FGF13: variants seen among roughly 807,000 people sequenced by gnomAD.
FGF13 encodes fibroblast growth factor 13.
In FGF13, 2 loss-of-function variants were observed where a neutral mutation model predicts 19.5. The ratio of observed to expected loss-of-function variants is 0.10; its 90% confidence interval spans 0.04 to 0.32. The LOEUF is 0.32. FGF13 is among the 10% of genes least tolerant of loss of function. FGF13 has a pLI of 1.00. For missense variants in FGF13, 113 were observed against 192.7 expected, an observed-to-expected ratio of 0.59 and a Z score of 2.45; for synonymous variants, 72 against 76.9, an observed-to-expected ratio of 0.94 and a Z score of 0.33.
intron 3 of FGF13, among the ~76,000 whole-genome samples, chrX:138,790,771 T>C (rs1008383009): frequency 2.7e-5 from 3 of 112,426 alleles, no homozygotes; most frequent in Non-Finnish European, 3.7e-5. Flanking sequence ...CATGCTTTAC[T>C]TCCTCTGTAC....
At chrX:138,676,539 C>T (rs745513151) in intron 3 of FGF13, among the ~76,000 whole-genome samples, 1 of 111,346 alleles carries the variant, frequency 9.0e-6, no homozygotes, top group African/African-American at 3.3e-5. Context: ...AAATACGGAC[C>T]CTATAAAACA....
chrX:138,828,524 C>G (rs1317642833), intron 3 of FGF13, among the ~76,000 whole-genome samples: 1 of 101,221 alleles, frequency 9.9e-6, no homozygotes, highest in Admixed American at 1.0e-4. Context: ...GAGCCGAGAT[C>G]GCGCCACTGC....
At chrX:138,978,819 A>G (rs2091951697) in intron 1 of FGF13, among the ~76,000 whole-genome samples, 1 of 112,005 alleles carries the variant, frequency 8.9e-6, no homozygotes. Flanking sequence ...AAATTACTGA[A>G]TGTTTTACAG....
chrX:139,203,252 C>T (rs1389023615), intron 1 of FGF13, among the ~76,000 whole-genome samples: 1 of 111,196 alleles, frequency 9.0e-6, no homozygotes, highest in African/African-American at 3.3e-5. Context: ...GGCGCGGTGG[C>T]TGAACCCCAG....
chrX:138,954,095 C>CGAGAAAGA (rs1556309326), intron 1 of FGF13, among the ~76,000 whole-genome samples: 2 of 94,170 alleles, frequency 2.1e-5, no homozygotes, highest in African/African-American at 3.9e-5. Context: ...GTAAATTTAA[C>CGAGAAAGA]GAGAGAGAGA....
intron 3 of FGF13, among the ~76,000 whole-genome samples, chrX:138,851,672 G>A (rs138195761): frequency 1.8e-3 from 201 of 111,864 alleles, no homozygotes; most frequent in African/African-American, 6.4e-3. Context: ...CAAGGATGCC[G>A]TCTCTCACCA....
At position 139,142,496 on chromosome X, in the gene FGF13, G is replaced by C. The variant is rs990546345; in HGVS notation, c.-113+60920C>G. On this transcript the variant is annotated intron_variant, in intron 1 of 2. Transcript: ENST00000421460. ...TCTGCCAGTAAGTAGTACTGGCAGA[G>C]TACCAAATCTCTCTAATTCTTAACA... Among the ~76,000 whole-genome samples, 3 of 111,634 alleles carry C rather than the reference G, an allele frequency of 2.7e-5. No homozygotes were observed. In the Admixed American group the frequency reaches 2.9e-4, roughly 11 times the overall value.
intron 1 of FGF13, among the ~76,000 whole-genome samples, chrX:138,932,131 G>T (rs2091704436): frequency 9.0e-6 from 1 of 111,590 alleles, no homozygotes; most frequent in Non-Finnish European, 1.9e-5. Flanking sequence ...TGGATCCAAT[G>T]GAGTCGTCAC....
rs1569347644 is a variant in FGF13, at chrX:138,625,500, T to TATATATATATAATATATATATATATAC, written c.*7349_*7350insGTATATATATATATATTATATATATAT. On this transcript the variant is annotated 3_prime_UTR_variant, in exon 5 of 5. Coordinates refer to ENST00000315930, the MANE Select transcript of FGF13 (RefSeq NM_004114.5). ...TATATATATAATATATATATATACA[T>TATATATATATAATATATATATATATAC]ATATATATATAATATAATATATATA... The TATATATATATAATATATATATATATAC allele has an allele frequency of 1.2e-4, 11 of 89,800 alleles. No homozygotes were observed. Among genetic ancestry groups the TATATATATATAATATATATATATATAC allele is most frequent in the African/African-American group, 4.7e-4 (9 of 19,290 alleles). 7.4% of individuals were successfully genotyped at this position (89,800 alleles called of 1,213,427 possible).
At chrX:139,124,513 C>T (rs898887535) in intron 1 of FGF13, among the ~76,000 whole-genome samples, 1 of 111,565 alleles carries the variant, frequency 9.0e-6, no homozygotes, top group African/African-American at 3.3e-5. Flanking sequence ...ACCCGCCTTG[C>T]AACACAGGGC....
intron 3 of FGF13, among the ~76,000 whole-genome samples, chrX:138,652,531 TG>T (rs1333389128): frequency 8.9e-6 from 1 of 111,793 alleles, no homozygotes; most frequent in Non-Finnish European, 1.9e-5. Context: ...CCTGGTAGCC[TG>T]GTACAGTGAA....
chrX:138,814,027 C>T (rs1014076227), intron 3 of FGF13, among the ~76,000 whole-genome samples: 1 of 109,575 alleles, frequency 9.1e-6, no homozygotes, highest in African/African-American at 3.3e-5. Flanking sequence ...TGTATAAATT[C>T]AAAATCCCAA....
intron 1 of FGF13, among the ~76,000 whole-genome samples, chrX:138,898,488 A>G (rs902976144): frequency 1.2e-4 from 13 of 112,216 alleles, no homozygotes; most frequent in African/African-American, 4.2e-4. Context: ...TGCAAGGACC[A>G]TGAAAGGCCC....
chrX:138,636,232 A>C (rs2089182849), intron 3 of FGF13, among the ~76,000 whole-genome samples: 1 of 111,960 alleles, frequency 8.9e-6, no homozygotes, highest in East Asian at 2.8e-4. Context: ...GACTTGAGAC[A>C]GAAAGAAAAA....
intron 3 of FGF13, among the ~76,000 whole-genome samples, chrX:138,690,510 A>G (rs1439117835): frequency 9.0e-6 from 1 of 110,580 alleles, no homozygotes; most frequent in Non-Finnish European, 1.9e-5. Flanking sequence ...TGTGCTGGGC[A>G]AGTGGGAGCC....
chrX:138,985,084 T>C, intron 1 of FGF13: 1 of 369,240 alleles, frequency 2.7e-6, no homozygotes, highest in Non-Finnish European at 5.5e-6. Context: ...CTTGTCCTCA[T>C]GACACCTCTG....
intron 1 of FGF13, among the ~76,000 whole-genome samples, chrX:139,026,238 AT>A (rs979697507): frequency 4.5e-5 from 5 of 110,777 alleles, no homozygotes; most frequent in Non-Finnish European, 9.5e-5. Flanking sequence ...ATACAATTTT[AT>A]TTTTTTTAAC....
intron 1 of FGF13, among the ~76,000 whole-genome samples, chrX:139,050,441 T>G (rs2092300447): frequency 8.9e-6 from 1 of 111,937 alleles, no homozygotes; most frequent in Non-Finnish European, 1.9e-5. Flanking sequence ...TTGGATTGCA[T>G]GAACACATAA....
At chrX:138,855,932 G>T (rs1569412134), downstream of FGF13, among the ~76,000 whole-genome samples, 1 of 108,401 alleles carries the variant, frequency 9.2e-6, no homozygotes, top group Admixed American at 1.0e-4. Flanking sequence ...ACCAAATTTT[G>T]ATTTTTAGGC....
Sources: gnomAD v4.1 joint callset for allele counts (sites outside exome capture counted in the v4.1 genomes callset) on GRCh38, gnomAD v4.1.1 for gene constraint, MANE v1.5 for transcripts, NCBI Gene and HGNC (gene_info 2026-07-23, HGNC 2026-07-21) for gene names.